The following KLHL4 variants were observed in gnomAD, a reference collection of about 807,000 sequenced individuals.
KLHL4 encodes the protein kelch like family member 4, also known as kelch-like protein 4.
Under a neutral mutation model 45.8 loss-of-function variants are expected in KLHL4, and 17 were observed. The ratio of observed to expected loss-of-function variants is 0.37; its 90% CI spans 0.25 to 0.56. The LOEUF is 0.56. Among genes scored for constraint, KLHL4 ranks in the 20% least tolerant of loss-of-function variants. The pLI, the probability that KLHL4 is intolerant of heterozygous loss-of-function variation, is 0.79. For synonymous variants in KLHL4, 224 were observed against 189.9 expected, an observed-to-expected ratio of 1.18 and a Z score of -1.47; for missense variants, 544 against 544.9, an observed-to-expected ratio of 1.00 and a Z score of 0.02.
intron 1 of KLHL4, among the ~76,000 whole-genome samples, chrX:87,604,220 A>G (rs1287106679): frequency 9.0e-6 from 1 of 110,887 alleles, no homozygotes; most frequent in Non-Finnish European, 1.9e-5. Flanking sequence ...TCTTTTTGAC[A>G]TACTGATGTT....
chrX:87,648,489 C>G (rs1417880144), intron 9 of KLHL4, among the ~76,000 whole-genome samples: 1 of 111,132 alleles, frequency 9.0e-6, no homozygotes, highest in African/African-American at 3.3e-5. Context: ...TGTCTGATGT[C>G]CCTTAATGCC....
chrX:87,529,545 C>T (rs1270384039), intron 1 of KLHL4, among the ~76,000 whole-genome samples: 1 of 111,392 alleles, frequency 9.0e-6, no homozygotes, highest in Non-Finnish European at 1.9e-5. Context: ...TTCTGTAGTT[C>T]CCTAGGAGAG....
Position 87,625,677 on chromosome X carries a change from A to G in KLHL4, c.1205A>G (p.Glu402Gly). 1 of 1,208,125 alleles carries G rather than the reference A, an allele frequency of 8.3e-7. No individual in the cohort carries two copies. Among genetic ancestry groups the G allele is most frequent in the Non-Finnish European group, 1.1e-6 (1 of 892,561 alleles). ...GDLECQKLLM[E>G]AMKYHLLPER... ...CTTGAGTGTCAGAAGCTCCTGATGGAAGCTATGAAGTATCATCTTTTGCCT... is the reference window on the plus strand; with the variant it reads ...CTTGAGTGTCAGAAGCTCCTGATGGGAGCTATGAAGTATCATCTTTTGCCT... The change falls in exon 6 of 11, where the codon GAA (glutamate) becomes GGA (glycine). Residue 402 changes from glutamate to glycine, a missense_variant. Transcript: ENST00000373119.
chrX:87,637,264 C>G (rs1923292669), intron 9 of KLHL4, among the ~76,000 whole-genome samples: 1 of 111,472 alleles, frequency 9.0e-6, no homozygotes, highest in Non-Finnish European at 1.9e-5. Context: ...TCAGGAAGCC[C>G]CATCCCTAGG....
At chrX:87,646,231 G>A (rs775406272) in intron 9 of KLHL4, among the ~76,000 whole-genome samples, 19 of 111,038 alleles carry the variant, frequency 1.7e-4, no homozygotes, top group African/African-American at 6.2e-4. Flanking sequence ...AAACACTACT[G>A]AAAGAAAACA....
intron 9 of KLHL4, among the ~76,000 whole-genome samples, chrX:87,657,948 T>C (rs1329249261): frequency 1.8e-5 from 2 of 111,831 alleles, no homozygotes. Context: ...GAAACCTCTG[T>C]CATTCCAAAC....
At chrX:87,631,769 A>C (rs1393367969) in intron 6 of KLHL4, among the ~76,000 whole-genome samples, 2 of 112,161 alleles carry the variant, frequency 1.8e-5, no homozygotes, top group Non-Finnish European at 3.8e-5. Context: ...ACACACACAC[A>C]CAAATAAACA....
At chrX:87,554,694 T>C (rs1201101168) in intron 1 of KLHL4, among the ~76,000 whole-genome samples, 1 of 108,255 alleles carries the variant, frequency 9.2e-6, no homozygotes, top group East Asian at 3.1e-4. Flanking sequence ...CTTTTCCTAA[T>C]TGAATGCCCT....
intron 5 of KLHL4, 57 bp from the exon 6 acceptor site, chrX:87,625,553 T>A: frequency 1.0e-6 from 1 of 991,259 alleles, no homozygotes; most frequent in Non-Finnish European, 1.4e-6. Context: ...TAAATACAAA[T>A]ACGTTCTTTC....
At chrX:87,610,149 G>A (rs1922325293) in intron 1 of KLHL4, among the ~76,000 whole-genome samples, 1 of 111,749 alleles carries the variant, frequency 8.9e-6, no homozygotes, top group Non-Finnish European at 1.9e-5. Flanking sequence ...CCAAAGCCTC[G>A]ACTCTCTTCC....
chrX:87,635,520 T>G (rs762666831), intron 8 of KLHL4, 43 bp from the exon 9 acceptor site: 1 of 1,032,867 alleles, frequency 9.7e-7, no homozygotes, highest in South Asian at 2.0e-5. Context: ...TGTATATGTA[T>G]ACACACACAT....
chrX:87,640,610 G>T (rs769195091), intron 9 of KLHL4, among the ~76,000 whole-genome samples: 4 of 111,514 alleles, frequency 3.6e-5, no homozygotes, highest in Non-Finnish European at 5.7e-5. Flanking sequence ...CTCAATAAAT[G>T]CAGTAAAACC....
chrX:87,530,307 A>C (rs1189414060), intron 1 of KLHL4, among the ~76,000 whole-genome samples: 1 of 107,698 alleles, frequency 9.3e-6, no homozygotes, highest in Non-Finnish European at 1.9e-5. Context: ...TTTAGGGTAC[A>C]TGTGCACATT....
intron 9 of KLHL4, among the ~76,000 whole-genome samples, chrX:87,643,196 G>T (rs1164688848): frequency 1.8e-5 from 2 of 111,533 alleles, no homozygotes; most frequent in East Asian, 2.8e-4. Context: ...AAAGAAGAGA[G>T]AAAATCCAAA....
rs1164146716 is a variant in KLHL4 at position 87,620,095 on chromosome X, A to T, written c.924+1967A>T. On this transcript the variant is annotated intron_variant, in intron 4 of 10. Transcript: ENST00000373119. ...CCCCGTTCGTTACCCAGTCAAGTTC[A>T]TACATAAAATTAACCATTTAAATCA... 1.4e-4 allele frequency among the ~76,000 whole-genome samples: 16 copies of T among 111,474 alleles called. No individual in the cohort carries two copies. In the Admixed American group the frequency reaches 1.5e-3, roughly 11 times the overall value.
At chrX:87,637,534 A>G (rs142215331) in intron 9 of KLHL4, among the ~76,000 whole-genome samples, 4 of 112,039 alleles carry the variant, frequency 3.6e-5, no homozygotes, top group African/African-American at 1.3e-4. Flanking sequence ...TATTAAGCCA[A>G]TCAAGGAGGT....
In KLHL4 at chrX:87,529,158, G is replaced by A. The variant is rs188174511; in HGVS notation, c.422+10843G>A. The stretch of plus-strand genomic sequence containing the variant: ...AGTAAAGACCTTCCTAAACAAAAGC[G>A]GAGGGAATTTATGACCATTAGACTG... On this transcript the variant is annotated intron_variant, in intron 1 of 10. Transcript: ENST00000373119. 2.0e-3 allele frequency among the ~76,000 whole-genome samples: 226 copies of A among 111,416 alleles called. 1 individual carries two copies. Among genetic ancestry groups the A allele is most frequent in the Admixed American group, 4.1e-3 (43 of 10,392 alleles).
At chrX:87,621,356 T>A (rs1029508115) in intron 4 of KLHL4, among the ~76,000 whole-genome samples, 7 of 110,857 alleles carry the variant, frequency 6.3e-5, no homozygotes, top group African/African-American at 2.3e-4. Context: ...AGAAAGAACA[T>A]GTAATATTTA....
chrX:87,547,875 A>G (rs1931718827), intron 1 of KLHL4, among the ~76,000 whole-genome samples: 1 of 111,882 alleles, frequency 8.9e-6, no homozygotes, highest in Non-Finnish European at 1.9e-5. Flanking sequence ...TTTAGAAAAT[A>G]AATTTAAAAG....
Sources: allele counts gnomAD v4.1 joint callset (sites outside exome capture counted in the v4.1 genomes callset), GRCh38; gene constraint gnomAD v4.1.1; transcripts MANE v1.5; gene names NCBI Gene and HGNC (gene_info 2026-07-23, HGNC 2026-07-21).